The following UNC13C variants were observed in gnomAD, a reference collection of about 807,000 sequenced individuals.
UNC13C encodes the protein unc-13 homolog C, also known as protein unc-13 homolog C.
A neutral mutation model predicts 245.4 loss-of-function variants in UNC13C; 174 were observed. The ratio of observed to expected loss-of-function variants is 0.71; its 90% CI spans 0.63 to 0.80. The LOEUF is 0.80. UNC13C is among the 30% of genes least tolerant of loss of function. The pLI, the probability that UNC13C is intolerant of heterozygous loss-of-function variation, is 0.00. For missense variants in UNC13C, 2,829 were observed against 2,602.9 expected (o/e 1.09, Z -1.89); for synonymous variants, 992 against 895.1 (o/e 1.11, Z -1.93).
chr15:54,579,506 C>A (rs1354860097), intron 30 of UNC13C, among the ~76,000 whole-genome samples: 1 of 152,096 alleles, frequency 6.6e-6, no homozygotes, highest in Non-Finnish European at 1.5e-5. Context: ...TGCCTGTAAT[C>A]CCAGCACTGT....
At chr15:54,337,745 T>G (rs1200947135) in intron 16 of UNC13C, among the ~76,000 whole-genome samples, 2 of 152,194 alleles carry the variant, frequency 1.3e-5, no homozygotes, top group Admixed American at 6.5e-5. Context: ...AAAAGTTAGT[T>G]GTTTTGCTAA....
intron 19 of UNC13C, among the ~76,000 whole-genome samples, chr15:54,488,341 C>T (rs1201517881): frequency 6.6e-6 from 1 of 152,090 alleles, no homozygotes; most frequent in Admixed American, 6.6e-5. Flanking sequence ...ATATTGTTTC[C>T]AGACCATTCA....
chr15:54,285,253 C>T (rs1429629115), intron 10 of UNC13C, among the ~76,000 whole-genome samples: 1 of 151,730 alleles, frequency 6.6e-6, no homozygotes, highest in East Asian at 1.9e-4. Flanking sequence ...GTGTTGAGGA[C>T]TCTTTTTTTT....
At chr15:54,083,706 C>A (rs1899080312) in intron 2 of UNC13C, among the ~76,000 whole-genome samples, 1 of 152,142 alleles carries the variant, frequency 6.6e-6, no homozygotes, top group African/African-American at 2.4e-5. Context: ...TCCCTTGGGG[C>A]AGCCTACACC....
chr15:54,338,569 T>C, intron 17 of UNC13C, 80 bp downstream of exon 17: 1 of 1,460,278 alleles, frequency 6.8e-7, no homozygotes, highest in Non-Finnish European at 9.3e-7. Context: ...TAATAGTAAA[T>C]AGAAAAGTAT....
chr15:54,618,875 T>C (rs974547462), intron 30 of UNC13C, among the ~76,000 whole-genome samples: 3 of 152,218 alleles, frequency 2.0e-5, no homozygotes, highest in Non-Finnish European at 2.9e-5. Context: ...ACGGAAAAAG[T>C]TAAAATTCCA....
At chr15:54,031,083 CT>C (rs1896338656) in intron 2 of UNC13C, among the ~76,000 whole-genome samples, 1 of 152,152 alleles carries the variant, frequency 6.6e-6, no homozygotes, top group African/African-American at 2.4e-5. Context: ...TCATCATCCC[CT>C]GACCTTCCTT....
At chr15:54,575,998 G>C (rs552192633) in intron 30 of UNC13C, among the ~76,000 whole-genome samples, 1 of 152,298 alleles carries the variant, frequency 6.6e-6, no homozygotes, top group South Asian at 2.1e-4. Flanking sequence ...AATAAGAGGG[G>C]TACTGTGATA....
At chr15:54,355,666 G>T (rs2039079326) in intron 17 of UNC13C, among the ~76,000 whole-genome samples, 1 of 151,892 alleles carries the variant, frequency 6.6e-6, no homozygotes, top group Non-Finnish European at 1.5e-5. Flanking sequence ...CCCTCACTTT[G>T]CTTTTAATTC....
chr15:53,976,473 C>CTTTTTTTTT (rs1164175117), upstream of UNC13C, among the ~76,000 whole-genome samples: 14 of 27,514 alleles, frequency 5.1e-4, no homozygotes, highest in South Asian at 2.1e-3. Context: ...CTCTCTCTCT[C>CTTTTTTTTT]TCTCTTTTTT....
At chr15:54,426,160 A>G (rs2040755092) in intron 19 of UNC13C, among the ~76,000 whole-genome samples, 1 of 151,566 alleles carries the variant, frequency 6.6e-6, no homozygotes. Flanking sequence ...TGAAGCCTTA[A>G]TTCTTCTTTG....
At chr15:54,050,069 A>G in intron 2 of UNC13C, 1 of 318,836 alleles carries the variant, frequency 3.1e-6, no homozygotes, top group Non-Finnish European at 6.2e-6. Flanking sequence ...TCCCAGGTTC[A>G]AGCAATTCTC....
the UNC13C span, among the ~76,000 whole-genome samples, chr15:53,957,591 G>C: frequency 1.3e-5 from 2 of 150,740 alleles, no homozygotes; most frequent in African/African-American, 5.0e-5. Context: ...ATATATAGTA[G>C]TACAGTAAAA....
intron 2 of UNC13C, among the ~76,000 whole-genome samples, chr15:54,073,789 G>T (rs898382655): frequency 2.6e-5 from 4 of 152,180 alleles, no homozygotes; most frequent in Admixed American, 2.6e-4. Flanking sequence ...CCCTTTGTCA[G>T]ATGGATAGAT....
chr15:54,557,236 A>G (rs1042609682), intron 29 of UNC13C, among the ~76,000 whole-genome samples: 1 of 151,788 alleles, frequency 6.6e-6, no homozygotes, highest in Non-Finnish European at 1.5e-5. Flanking sequence ...CTGAGCCCCA[A>G]AGCGTGTGTC....
intron 2 of UNC13C, among the ~76,000 whole-genome samples, chr15:54,078,586 G>A (rs1043578806): frequency 6.6e-6 from 1 of 152,014 alleles, no homozygotes; most frequent in Non-Finnish European, 1.5e-5. Context: ...TAGTGATGTC[G>A]AGCATTTTCT....
intron 2 of UNC13C, among the ~76,000 whole-genome samples, chr15:54,025,089 TC>T (rs1336218951): frequency 6.6e-6 from 1 of 152,158 alleles, no homozygotes; most frequent in Non-Finnish European, 1.5e-5. Context: ...GAAGAAATGA[TC>T]CATAGGCAAT....
intron 8 of UNC13C, among the ~76,000 whole-genome samples, chr15:54,262,535 T>G (rs1020731777): frequency 1.7e-4 from 26 of 152,224 alleles, no homozygotes; most frequent in Non-Finnish European, 3.4e-4. Context: ...AATTATGGAC[T>G]GTGTAAACCA....
chr15:54,326,955 C>T (rs1438991465), intron 14 of UNC13C, among the ~76,000 whole-genome samples: 1 of 151,904 alleles, frequency 6.6e-6, no homozygotes, highest in Non-Finnish European at 1.5e-5. Flanking sequence ...TGCTAAAAAT[C>T]AAGGCTTTTT....
Sources: gnomAD v4.1 joint callset for allele counts (sites outside exome capture counted in the v4.1 genomes callset) on GRCh38, gnomAD v4.1.1 for gene constraint, MANE v1.5 for transcripts, NCBI Gene and HGNC (gene_info 2026-07-23, HGNC 2026-07-21) for gene names.